Variants in SOX6 observed in about 807,000 individuals in gnomAD.
The protein encoded by SOX6 is transcription factor SOX-6.
A neutral mutation model predicts 97.8 loss-of-function variants in SOX6; 11 were observed. The ratio of observed to expected loss-of-function variants is 0.11; its 90% CI spans 0.07 to 0.19. The LOEUF is 0.19. Ranked by LOEUF, SOX6 falls within the 10% of genes least tolerant of loss-of-function variation. The pLI is 1.00. For missense variants in SOX6, 810 were observed against 1,039.5 expected, an observed-to-expected ratio of 0.78 and a Z score of 3.04; for synonymous variants, 360 against 371.4, an observed-to-expected ratio of 0.97 and a Z score of 0.35.
At chr11:16,183,413 C>T (rs543552549) in intron 6 of SOX6, among the ~76,000 whole-genome samples, 1 of 152,102 alleles carries the variant, frequency 6.6e-6, no homozygotes, top group Non-Finnish European at 1.5e-5. Flanking sequence ...TTCCCTTTAG[C>T]ATCTAGAAGG....
At chr11:16,309,219 A>C (rs964026764) in intron 3 of SOX6, among the ~76,000 whole-genome samples, 1 of 152,232 alleles carries the variant, frequency 6.6e-6, no homozygotes, top group African/African-American at 2.4e-5. Context: ...CAGGTGCAAG[A>C]ATCTTCATAT....
At chr11:16,452,339 T>G (rs955552991) in intron 1 of SOX6, among the ~76,000 whole-genome samples, 1 of 152,008 alleles carries the variant, frequency 6.6e-6, no homozygotes, top group African/African-American at 2.4e-5. Context: ...AATTAGAAAA[T>G]AAACATATTT....
At chr11:16,587,725 C>A (rs1474334695) in intron 4 of SOX6, among the ~76,000 whole-genome samples, 3 of 152,152 alleles carry the variant, frequency 2.0e-5, no homozygotes, top group Admixed American at 6.5e-5. Context: ...CTAGAGATTC[C>A]TTTATTCTCC....
chr11:16,526,993 T>C (rs927617965), intron 4 of SOX6, among the ~76,000 whole-genome samples: 2 of 152,268 alleles, frequency 1.3e-5, no homozygotes, highest in African/African-American at 4.8e-5. Flanking sequence ...AAACACTTTT[T>C]AAACAAACTT....
rs1855229610 is a variant in SOX6, at chr11:16,300,647, A to T, written c.445+17799T>A. On this transcript the variant is annotated intron_variant, in intron 3 of 15. Coordinates refer to ENST00000683767, the MANE Select transcript of SOX6 (RefSeq NM_001367873.1). This position sits in a 1 kb window ranked among gnomAD's most constrained non-coding sequence, Gnocchi z 4.1. ...AAAGCACTTTTAAGCCCTGTTGCAA[A>T]ACAGCAGGAATGGCAGAGCAAGTGG... 6.6e-6 allele frequency among the ~76,000 whole-genome samples: 1 copy of T among 152,204 alleles called. No individual in the cohort carries two copies. Among genetic ancestry groups the T allele is most frequent in the Admixed American group, 6.5e-5 (1 of 15,274 alleles).
intron 12 of SOX6, among the ~76,000 whole-genome samples, chr11:16,036,738 C>T (rs1034387701): frequency 2.0e-5 from 3 of 152,138 alleles, no homozygotes; most frequent in African/African-American, 7.2e-5. Context: ...GAGCACCCTC[C>T]TCTTAGCTCA....
chr11:16,690,286 T>C (rs1021748818), intron 3 of SOX6, among the ~76,000 whole-genome samples: 4 of 152,194 alleles, frequency 2.6e-5, no homozygotes, highest in African/African-American at 4.8e-5. Context: ...ATCATTCCTC[T>C]CTCTGTGGCT....
chr11:16,090,420 T>C (rs1410631722), intron 9 of SOX6, among the ~76,000 whole-genome samples: 2 of 152,078 alleles, frequency 1.3e-5, no homozygotes, highest in African/African-American at 2.4e-5. Context: ...AGGGTGGGTA[T>C]AAACTTCTGC....
chr11:16,147,192 T>C (rs1850329615), intron 6 of SOX6, among the ~76,000 whole-genome samples: 1 of 152,060 alleles, frequency 6.6e-6, no homozygotes, highest in Non-Finnish European at 1.5e-5. Context: ...GATGAATTCA[T>C]GTCCTTTGAG....
intron 12 of SOX6, among the ~76,000 whole-genome samples, chr11:16,019,248 T>A (rs1854979150): frequency 6.6e-6 from 1 of 152,116 alleles, no homozygotes; most frequent in African/African-American, 2.4e-5. Context: ...TGAGAGGTTT[T>A]TTGTTTGCTG....
chr11:16,606,341 T>C (rs993055188), intron 4 of SOX6, among the ~76,000 whole-genome samples: 2 of 151,930 alleles, frequency 1.3e-5, no homozygotes, highest in Admixed American at 1.3e-4. Flanking sequence ...CCTGCGGCGG[T>C]AACAAGAGAT....
At chr11:16,451,624 A>G (rs1307903481) in intron 1 of SOX6, among the ~76,000 whole-genome samples, 2 of 152,174 alleles carry the variant, frequency 1.3e-5, no homozygotes, top group Admixed American at 6.5e-5. Flanking sequence ...TAAGAGCCCT[A>G]CTAACCATCC....
At chr11:16,024,228 C>T (rs761875674) in intron 12 of SOX6, among the ~76,000 whole-genome samples, 5 of 152,054 alleles carry the variant, frequency 3.3e-5, no homozygotes, top group Non-Finnish European at 5.9e-5. Context: ...AATGAACCTG[C>T]TAACACCTTG....
intron 6 of SOX6, among the ~76,000 whole-genome samples, chr11:16,172,486 A>G (rs1199385246): frequency 6.6e-6 from 1 of 152,060 alleles, no homozygotes. Flanking sequence ...AAGCATTACA[A>G]GCCATCACAA....
chr11:16,286,575 G>A (rs922522779), intron 3 of SOX6, among the ~76,000 whole-genome samples: 7 of 152,168 alleles, frequency 4.6e-5, no homozygotes, highest in African/African-American at 1.4e-4. Context: ...TGTGTTCAGT[G>A]AGGTATTTAT....
chr11:16,098,163 A>C (rs1250431184), intron 7 of SOX6, among the ~76,000 whole-genome samples: 3 of 151,922 alleles, frequency 2.0e-5, no homozygotes, highest in East Asian at 3.9e-4. Context: ...AAGTTTAAAA[A>C]TTAAAAAATA....
At chr11:16,505,101 G>T (rs1396539221) in intron 4 of SOX6, among the ~76,000 whole-genome samples, 3 of 152,218 alleles carry the variant, frequency 2.0e-5, no homozygotes, top group Non-Finnish European at 4.4e-5. Context: ...ATGGGCAAAG[G>T]TTGCAACAGT....
chr11:16,456,060 C>T (rs1195497508), intron 1 of SOX6, among the ~76,000 whole-genome samples: 2 of 151,922 alleles, frequency 1.3e-5, no homozygotes, highest in African/African-American at 2.4e-5. Flanking sequence ...ATCAAGATGT[C>T]GATTTATTGT....
chr11:16,111,713 C>T, intron 7 of SOX6, 90 bp downstream of exon 7: 1 of 1,502,462 alleles, frequency 6.7e-7, no homozygotes, highest in Non-Finnish European at 9.2e-7. Flanking sequence ...TCATAGTTCC[C>T]TGGCATGCTC....
Sources: gnomAD v4.1 joint callset for allele counts (sites outside exome capture counted in the v4.1 genomes callset) on GRCh38, gnomAD v4.1.1 for gene constraint, Gnocchi (gnomAD v3.1) non-coding constraint, MANE v1.5 for transcripts, NCBI Gene and HGNC (gene_info 2026-07-23, HGNC 2026-07-21) for gene names.